Variants in COL5A1 observed in about 807,000 individuals in gnomAD.
COL5A1 encodes collagen type V alpha 1 chain.
COL5A1 carries 16 observed loss-of-function variants against 263.7 expected under a neutral mutation model. The observed-to-expected ratio is 0.06, with a 90% confidence interval of 0.04 to 0.09. COL5A1 has a LOEUF of 0.09. Among genes scored for constraint, COL5A1 ranks in the 10% least tolerant of loss-of-function variants. The probability of loss-of-function intolerance (pLI) is 1.00; values close to 1 mark genes in which losing one functional copy is unlikely to be tolerated. For missense variants in COL5A1, 2,036 were observed against 2,540.5 expected, an observed-to-expected ratio of 0.80 and a Z score of 4.27; for synonymous variants, 1,012 against 1,004.5, an observed-to-expected ratio of 1.01 and a Z score of -0.14.
At chr9:134,786,117 C>A in intron 31 of COL5A1, 69 bp downstream of exon 31, 1 of 1,403,256 alleles carries the variant, frequency 7.1e-7, no homozygotes, top group Non-Finnish European at 9.9e-7. Context: ...CCCCACCCTG[C>A]ATCCGGCCGT....
chr9:134,669,773 G>C (rs987307025), intron 1 of COL5A1, among the ~76,000 whole-genome samples: 1 of 152,170 alleles, frequency 6.6e-6, no homozygotes, highest in African/African-American at 2.4e-5. Context: ...GCAGAGGTGG[G>C]GTGTGGATGG....
chr9:134,684,167 G>C (rs751126980), intron 1 of COL5A1, among the ~76,000 whole-genome samples: 4 of 152,232 alleles, frequency 2.6e-5, no homozygotes, highest in Admixed American at 6.5e-5. Flanking sequence ...GGCTGTGACC[G>C]GGCCGAAGTT....
chr9:134,822,038 C>T (rs1839022918), intron 58 of COL5A1, 59 bp from the exon 59 acceptor site: 3 of 1,481,472 alleles, frequency 2.0e-6, no homozygotes, highest in African/African-American at 1.4e-5. Flanking sequence ...AGCAGGGTTG[C>T]AGCCCCGCAG....
intron 65 of COL5A1, among the ~76,000 whole-genome samples, chr9:134,840,867 T>C (rs970163023): frequency 2.6e-5 from 4 of 152,132 alleles, no homozygotes; most frequent in Non-Finnish European, 5.9e-5. Context: ...TCAACTCCCA[T>C]CGAACGGCCC....
chr9:134,812,248 A>G (rs1838551909), intron 46 of COL5A1, among the ~76,000 whole-genome samples: 1 of 152,114 alleles, frequency 6.6e-6, no homozygotes, highest in Admixed American at 6.5e-5. Context: ...AATCTTTGCA[A>G]TCTTCTCTGC....
At chr9:134,801,128 C>T (rs1037736872) in intron 37 of COL5A1, among the ~76,000 whole-genome samples, 3 of 152,282 alleles carry the variant, frequency 2.0e-5, no homozygotes, top group Admixed American at 6.5e-5. Flanking sequence ...AAGCCAGGAT[C>T]GTTATCTACG....
At chr9:134,707,121 C>T (rs1564400920) in intron 4 of COL5A1, among the ~76,000 whole-genome samples, 2 of 152,256 alleles carry the variant, frequency 1.3e-5, no homozygotes, top group Admixed American at 6.5e-5. Context: ...CGTGGAAGGC[C>T]CCTCCTCTGT....
chr9:134,728,907 G>A (rs1834757938), intron 6 of COL5A1, 100 bp downstream of exon 6: 2 of 1,501,990 alleles, frequency 1.3e-6, no homozygotes, highest in Non-Finnish European at 1.8e-6. Context: ...AGAGGGTTGG[G>A]GGCTGTCTGG....
chr9:134,801,877 G>A (rs1013054578), intron 37 of COL5A1, 77 bp from the exon 38 acceptor site: 39 of 1,341,176 alleles, frequency 2.9e-5, no homozygotes, highest in African/African-American at 4.3e-5. Context: ...GGGGGCAAGC[G>A]TCCTGCTGAG....
intron 63 of COL5A1, among the ~76,000 whole-genome samples, chr9:134,829,040 A>G (rs1406046396): frequency 6.6e-6 from 1 of 152,176 alleles, no homozygotes; most frequent in Non-Finnish European, 1.5e-5. Context: ...GCAGCCAGGC[A>G]AGGCTGTGAG....
Position 134,756,768 on chromosome 9 carries a change from C to G in COL5A1, c.1831C>G (p.Arg611Gly). 1.2e-6 allele frequency: 2 copies of G among 1,613,974 alleles called. No individual in the cohort carries two copies. Among genetic ancestry groups the G allele is most frequent in the Non-Finnish European group, 1.7e-6 (2 of 1,180,006 alleles). The change falls in exon 17 of 66, where the codon CGG becomes GGG. Residue 611 changes from arginine to glycine, a missense_variant. Coordinates refer to ENST00000371817, the MANE Select transcript of COL5A1 (RefSeq NM_000093.5). The part of the protein sequence containing the change: ...GPAGKPGRRG[R>G]AGSDGARGMP... Reference sequence around the variant, plus strand: ...GGTTTTGCCTCCTTTGTTCCAGGGTCGGGCTGGGAGTGATGGAGCCAGAGG... The same window carrying G: ...GGTTTTGCCTCCTTTGTTCCAGGGTGGGGCTGGGAGTGATGGAGCCAGAGG...
chr9:134,670,370 GCAGTTGT>G (rs1832501549), intron 1 of COL5A1, among the ~76,000 whole-genome samples: 1 of 152,174 alleles, frequency 6.6e-6, no homozygotes, highest in African/African-American at 2.4e-5. Context: ...CAACCAACAG[GCAGTTGT>G]CACCTGAGCA....
intron 9 of COL5A1, among the ~76,000 whole-genome samples, chr9:134,734,586 G>C (rs1835028121): frequency 6.6e-6 from 1 of 152,256 alleles, no homozygotes; most frequent in African/African-American, 2.4e-5. Flanking sequence ...CTTGGGAGAT[G>C]CATCTGTTCC....
intron 26 of COL5A1, 90 bp from the exon 27 acceptor site, chr9:134,774,769 A>G: frequency 1.5e-6 from 2 of 1,330,478 alleles, no homozygotes; most frequent in South Asian, 2.5e-5. Flanking sequence ...TCTCAGCAGG[A>G]GGGGTATGCC....
At chr9:134,756,653 G>T (rs1564435329) in intron 16 of COL5A1, 112 bp from the exon 17 acceptor site, 1 of 1,179,852 alleles carries the variant, frequency 8.5e-7, no homozygotes, top group Admixed American at 1.7e-5. Flanking sequence ...GACCTTGGGG[G>T]TGGGCGCGGC....
intron 18 of COL5A1, among the ~76,000 whole-genome samples, chr9:134,760,286 C>CAT (rs1398723788): frequency 1.8e-5 from 2 of 112,306 alleles, no homozygotes; most frequent in Non-Finnish European, 3.5e-5. Flanking sequence ...CACACACGCA[C>CAT]ACACCCCCAC....
rs1831303297 is a variant in COL5A1 at position 134,641,995 on chromosome 9, T to A, written c.-193T>A. Reference sequence around the variant, plus strand: ...GGCCAAAGTCGAGCCCTCCCGCCCGTGGGCGAGCGCGCCAGCCGCCCCTTC... The same window carrying A: ...GGCCAAAGTCGAGCCCTCCCGCCCGAGGGCGAGCGCGCCAGCCGCCCCTTC... On this transcript the variant is annotated 5_prime_UTR_variant, in exon 1 of 66. Transcript: ENST00000371817. 1 of 463,884 alleles carries A rather than the reference T, an allele frequency of 2.2e-6. No individual in the cohort carries two copies. The highest frequency in any genetic ancestry group is 3.5e-6 in the Non-Finnish European group (1 of 287,714). The allele number at this position is 463,884 out of a possible 1,614,324, so 28.7% of individuals were successfully genotyped here.
intron 1 of COL5A1, among the ~76,000 whole-genome samples, chr9:134,655,592 C>T (rs1257320161): frequency 6.6e-6 from 1 of 152,124 alleles, no homozygotes; most frequent in Non-Finnish European, 1.5e-5. Context: ...CCACAGCTGG[C>T]TATGGTCATT....
Position 134,754,820 on chromosome 9 carries a change from C to T in COL5A1, c.1827+494C>T, listed in dbSNP as rs529934827. ...ACCCTGGCTTCTAAAAGAGGACACACGTTTCCCGAGTGCTGACCACCACCC... is the reference window on the plus strand; with the variant it reads ...ACCCTGGCTTCTAAAAGAGGACACATGTTTCCCGAGTGCTGACCACCACCC... On this transcript the variant is annotated intron_variant, in intron 16 of 65. Transcript: ENST00000371817. The surrounding 1 kb of genome is among the most constrained non-coding windows in gnomAD (Gnocchi z 4.3). Among the ~76,000 whole-genome samples the T allele has an allele frequency of 1.4e-4, 21 of 152,264 alleles. No individual in the cohort carries two copies. The South Asian group carries it at 4.1e-3, about 30-fold the overall frequency.
Sources: allele counts gnomAD v4.1 joint callset (sites outside exome capture counted in the v4.1 genomes callset), GRCh38; gene constraint gnomAD v4.1.1; non-coding constraint Gnocchi (gnomAD v3.1); transcripts MANE v1.5; gene names NCBI Gene and HGNC (gene_info 2026-07-23, HGNC 2026-07-21).